DOCK5: variants seen among roughly 807,000 people sequenced by gnomAD.
DOCK5 encodes dedicator of cytokinesis protein 5.
DOCK5 carries 142 observed loss-of-function variants against 251.8 expected under a neutral mutation model. That is an observed-to-expected ratio of 0.56 (90% CI 0.49 to 0.65). The LOEUF (loss-of-function observed/expected upper bound fraction) is 0.65, where lower values mean the gene tolerates loss of function less well. Ranked by LOEUF, DOCK5 falls within the 30% of genes least tolerant of loss-of-function variation. The pLI is 0.00. For synonymous variants in DOCK5, 842 were observed against 835.5 expected (o/e 1.01, Z -0.13); for missense variants, 2,111 against 2,312.3 (o/e 0.91, Z 1.79).
Position 25,392,767 on chromosome 8 carries a change from A to C in DOCK5, c.4441-29A>C, listed in dbSNP as rs754864165. ...ATGTTTTCCTCCTGGGAATTGACCAACATTTCATGTTTTCCTTCTTGCCAC... is the reference window on the plus strand; with the variant it reads ...ATGTTTTCCTCCTGGGAATTGACCACCATTTCATGTTTTCCTTCTTGCCAC... On this transcript the variant is annotated intron_variant, in intron 43 of 51. Transcript: ENST00000276440. 4.4e-6 allele frequency: 7 copies of C among 1,590,544 alleles called. No homozygotes were observed. The South Asian group carries it at 7.9e-5, about 18-fold the overall frequency.
intron 1 of DOCK5, among the ~76,000 whole-genome samples, chr8:25,204,170 T>C (rs1242108947): frequency 1.3e-5 from 2 of 152,246 alleles, no homozygotes; most frequent in African/African-American, 2.4e-5. Context: ...GGATGAATTA[T>C]AGACTTCATA....
chr8:25,193,570 G>T (rs574400898), intron 1 of DOCK5, among the ~76,000 whole-genome samples: 2 of 150,936 alleles, frequency 1.3e-5, no homozygotes, highest in East Asian at 3.9e-4. Context: ...AAACCAGCCT[G>T]GGCAACGTTG....
intron 44 of DOCK5, among the ~76,000 whole-genome samples, chr8:25,394,470 A>G (rs1026525524): frequency 9.9e-5 from 15 of 151,864 alleles, no homozygotes; most frequent in African/African-American, 3.6e-4. Flanking sequence ...AATACATCCT[A>G]TTATTTCTGA....
intron 1 of DOCK5, among the ~76,000 whole-genome samples, chr8:25,198,088 G>A (rs1162839293): frequency 1.3e-5 from 2 of 152,212 alleles, no homozygotes; most frequent in African/African-American, 4.8e-5. Flanking sequence ...GGAAAACACA[G>A]TGGAGACTAA....
chr8:25,403,806 G>C, intron 48 of DOCK5, 82 bp downstream of exon 48: 1 of 1,435,978 alleles, frequency 7.0e-7, no homozygotes, highest in East Asian at 2.3e-5. Context: ...TCACTCCTTT[G>C]AGAAAAATAG....
rs867694414 is a variant in DOCK5 at position 25,264,021 on chromosome 8, C to G, written c.128-4824C>G. On this transcript the variant is annotated intron_variant, in intron 2 of 51. Coordinates refer to ENST00000276440, the MANE Select transcript of DOCK5 (RefSeq NM_024940.8). ...CTTTGAGAATTTGCCTTTACTCCCCCATTCATGGCCACCCCCAGCAAAATC... is the reference window on the plus strand; with the variant it reads ...CTTTGAGAATTTGCCTTTACTCCCCGATTCATGGCCACCCCCAGCAAAATC... 1.6e-4 allele frequency among the ~76,000 whole-genome samples: 25 copies of G among 151,912 alleles called. 1 individual carries two copies. The highest frequency in any genetic ancestry group is 5.8e-4 in the African/African-American group (24 of 41,258).
chr8:25,346,840 A>C (rs1443094555), intron 26 of DOCK5, among the ~76,000 whole-genome samples: 3 of 151,582 alleles, frequency 2.0e-5, no homozygotes. Context: ...AAAAAAAAAG[A>C]AAACATAGGG....
intron 1 of DOCK5, among the ~76,000 whole-genome samples, chr8:25,208,319 C>T (rs950681348): frequency 7.9e-5 from 12 of 152,086 alleles, no homozygotes; most frequent in Admixed American, 2.0e-4. Flanking sequence ...AGAGGATTGA[C>T]TCCAAATTTG....
intron 31 of DOCK5, 138 bp from the exon 32 acceptor site, chr8:25,368,054 G>C: frequency 3.0e-6 from 2 of 660,128 alleles, no homozygotes; most frequent in Non-Finnish European, 5.2e-6. Context: ...GCTCGTTTAG[G>C]TATGAACCTC....
intron 2 of DOCK5, among the ~76,000 whole-genome samples, chr8:25,255,412 A>G (rs959736806): frequency 6.6e-6 from 1 of 152,334 alleles, no homozygotes; most frequent in Middle Eastern, 3.4e-3. Context: ...AGACATAGAT[A>G]TGCATGTTAC....
chr8:25,390,243 G>T lies in DOCK5; in HGVS notation c.4311G>T (p.Leu1437Phe). Residue 1437 changes from leucine to phenylalanine, a missense_variant, in exon 42 of 52, where the codon TTG becomes TTT. By Grantham distance (22) the Leu-to-Phe change is conservative (BLOSUM62 0). Transcript: ENST00000276440. ...TCACTGTAAAGCCAGTGATGAGCTT[G>T]CCGCCCAGCTACAAGGATAAACCTG... Reference protein sequence around the residue: ...QCFTVKPVMSLPPSYKDKPVP... With the variant: ...QCFTVKPVMSFPPSYKDKPVP... The T allele has an allele frequency of 6.3e-7, 1 of 1,594,188 alleles. No individual in the cohort carries two copies. The highest frequency in any genetic ancestry group is 1.8e-5 in the Admixed American group (1 of 57,124).
intron 14 of DOCK5, chr8:25,317,364 C>T (rs1018658848): frequency 2.5e-6 from 1 of 400,492 alleles, no homozygotes; most frequent in Non-Finnish European, 4.4e-6. Context: ...AGAAATAGCT[C>T]CAGCCACTAA....
chr8:25,393,865 A>G (rs1554508119), intron 44 of DOCK5, among the ~76,000 whole-genome samples: 1 of 152,258 alleles, frequency 6.6e-6, no homozygotes, highest in Non-Finnish European at 1.5e-5. Context: ...GGTGCATAGC[A>G]TGGCACTTAG....
At chr8:25,379,189 G>C (rs1801020572) in intron 38 of DOCK5, among the ~76,000 whole-genome samples, 5 of 152,154 alleles carry the variant, frequency 3.3e-5, no homozygotes, top group African/African-American at 1.2e-4. Context: ...GAAGCGGTCT[G>C]ACCAAAAATT....
chr8:25,287,947 G>A (rs1804383007), intron 5 of DOCK5, among the ~76,000 whole-genome samples: 1 of 150,536 alleles, frequency 6.6e-6, no homozygotes, highest in African/African-American at 2.4e-5. Context: ...GTGCAATGGT[G>A]TGATCTCGGC....
chr8:25,291,544 G>A (rs1044896135), intron 5 of DOCK5, among the ~76,000 whole-genome samples: 2 of 151,954 alleles, frequency 1.3e-5, no homozygotes, highest in African/African-American at 2.4e-5. Flanking sequence ...TTAGCTGGGT[G>A]TGGTGGCATG....
chr8:25,334,181 C>G lies in DOCK5; in HGVS notation c.2177C>G (p.Ala726Gly), dbSNP rs1458014244. 1 of 1,613,350 alleles carries G rather than the reference C, an allele frequency of 6.2e-7. No homozygotes were observed. Among genetic ancestry groups the G allele is most frequent in the Non-Finnish European group, 8.5e-7 (1 of 1,179,432 alleles). The change falls in exon 21 of 52, where the codon GCC becomes GGC. Residue 726 changes from alanine to glycine, a missense_variant. Around this residue, in one of 3 missense-constraint regions of DOCK5, gnomAD observed 1,717 missense variants for 1,892.4 expected, o/e 0.91. Coordinates refer to ENST00000276440, the MANE Select transcript of DOCK5 (RefSeq NM_024940.8). ...LETYIYKHFS[A>G]TLAYVKLSKV... ...ACCTACATTTACAAGCACTTCAGCG[C>G]CACTTTGGCATATGTGTAAGTATGA...
At chr8:25,369,709 T>C in intron 34 of DOCK5, 68 bp downstream of exon 34, 2 of 1,395,508 alleles carry the variant, frequency 1.4e-6, no homozygotes, top group Non-Finnish European at 2.0e-6. Flanking sequence ...ACAGGGGTCC[T>C]GTTTCACCAA....
chr8:25,276,544 A>G (rs1002475014), intron 4 of DOCK5, among the ~76,000 whole-genome samples: 1 of 152,094 alleles, frequency 6.6e-6, no homozygotes, highest in African/African-American at 2.4e-5. Context: ...CCTGGGGCTG[A>G]TGGAGAGGAG....
Sources: allele counts gnomAD v4.1 joint callset (sites outside exome capture counted in the v4.1 genomes callset), GRCh38; gene constraint gnomAD v4.1.1; regional missense constraint gnomAD v4.1.1; transcripts MANE v1.5; gene names NCBI Gene and HGNC (gene_info 2026-07-23, HGNC 2026-07-21).